Variants in NRXN3 observed in about 807,000 individuals in gnomAD.
NRXN3 encodes the protein neurexin III.
In NRXN3, 32 loss-of-function variants were observed where a neutral mutation model predicts 137.6. The ratio of observed to expected loss-of-function variants is 0.23; its 90% CI spans 0.18 to 0.31. The LOEUF (loss-of-function observed/expected upper bound fraction) is 0.31. Among genes scored for constraint, NRXN3 ranks in the 10% least tolerant of loss-of-function variants. NRXN3 has a pLI of 1.00. For synonymous variants in NRXN3, 798 were observed against 784.5 expected (o/e 1.02, Z -0.29); for missense variants, 1,574 against 2,062.5 (o/e 0.76, Z 4.59).
Position 79,775,518 on chromosome 14 carries a change from C to T in NRXN3, c.4015-29594C>T, listed in dbSNP as rs544101655. On this transcript the variant is annotated intron_variant, in intron 19 of 20. Coordinates refer to ENST00000335750, the MANE Select transcript of NRXN3 (RefSeq NM_001330195.2). ...AGCCTAAGATGGATAAGACTGAAAT[C>T]AGGTGCCTGGACTCTAGAGGATTGG... Among the ~76,000 whole-genome samples, 49 of 132,426 alleles carry T rather than the reference C, an allele frequency of 3.7e-4. No individual in the cohort carries two copies. The South Asian group carries it at 0.012, about 31-fold the overall frequency. The allele number at this position is 132,426 out of a possible 152,430, so 86.9% of individuals were successfully genotyped here.
chr14:78,783,343 C>T (rs1220635319), intron 8 of NRXN3, among the ~76,000 whole-genome samples: 1 of 152,042 alleles, frequency 6.6e-6, no homozygotes, highest in Non-Finnish European at 1.5e-5. Context: ...ATCTTTGATA[C>T]AATATCTGAC....
chr14:78,363,713 C>T (rs75289443), intron 4 of NRXN3, among the ~76,000 whole-genome samples: 1 of 152,156 alleles, frequency 6.6e-6, no homozygotes, highest in Admixed American at 6.5e-5. Context: ...GGGAGGCTTG[C>T]TCTTCCATGC....
chr14:78,955,810 G>C (rs117311558), intron 10 of NRXN3, among the ~76,000 whole-genome samples: 3 of 152,156 alleles, frequency 2.0e-5, no homozygotes, highest in Non-Finnish European at 4.4e-5. Context: ...ATTAAAAGGT[G>C]TAGTTTGAAA....
intron 11 of NRXN3, among the ~76,000 whole-genome samples, chr14:78,960,863 C>T (rs1445137122): frequency 6.6e-6 from 1 of 152,120 alleles, no homozygotes; most frequent in Non-Finnish European, 1.5e-5. Flanking sequence ...ATGTATTTCT[C>T]ATAGTAATTT....
intron 4 of NRXN3, among the ~76,000 whole-genome samples, chr14:78,418,023 C>T (rs1448640121): frequency 6.6e-6 from 1 of 152,176 alleles, no homozygotes; most frequent in Non-Finnish European, 1.5e-5. Flanking sequence ...TCCCAAAGTG[C>T]TGGGATTACA....
chr14:79,009,101 G>C (rs767627777), intron 15 of NRXN3, among the ~76,000 whole-genome samples: 5 of 152,074 alleles, frequency 3.3e-5, no homozygotes, highest in Non-Finnish European at 7.4e-5. Flanking sequence ...CTTATTACTG[G>C]AAAAGCATTC....
chr14:78,763,608 T>C (rs1414562953), intron 8 of NRXN3, among the ~76,000 whole-genome samples: 2 of 152,168 alleles, frequency 1.3e-5, no homozygotes, highest in Non-Finnish European at 2.9e-5. Flanking sequence ...TGACACATGA[T>C]GGTGATATGA....
chr14:78,998,630 GCT>G (rs1194227735), intron 15 of NRXN3, among the ~76,000 whole-genome samples: 2 of 143,428 alleles, frequency 1.4e-5, no homozygotes, highest in African/African-American at 2.6e-5. Flanking sequence ...AAGGAATCTT[GCT>G]CTGTCACCCA....
In NRXN3 at chr14:79,621,188, A is replaced by C. The variant is rs189579955; in HGVS notation, c.3445-42590A>C. Among the ~76,000 whole-genome samples, 305 of 152,350 alleles carry C rather than the reference A, an allele frequency of 2.0e-3. 1 individual carries two copies. In the Middle Eastern group the frequency reaches 0.044, roughly 22 times the overall value. On this transcript the variant is annotated intron_variant, in intron 16 of 20. Coordinates refer to ENST00000335750, the MANE Select transcript of NRXN3 (RefSeq NM_001330195.2). ...ATGATGACTATTAAGCATTTAGCCC[A>C]AGGCTAGGTAAAAGAAAAGGCTAGC...
rs544213283 is a variant in NRXN3 at position 79,825,707 on chromosome 14, T to C, written c.4093+20517T>C. Among the ~76,000 whole-genome samples the C allele has an allele frequency of 2.8e-3, 421 of 152,346 alleles. 2 individuals are homozygous for C. Among genetic ancestry groups the C allele is most frequent in the Non-Finnish European group, 2.9e-3 (197 of 68,036 alleles). On this transcript the variant is annotated intron_variant, in intron 20 of 20. Coordinates refer to ENST00000335750, the MANE Select transcript of NRXN3 (RefSeq NM_001330195.2). ...ACTCTCTGAATAGATTTTCATGTTA[T>C]ATAGTCTGAGACTTTTCTTTCCATC...
chr14:79,336,918 G>A (rs946856109), intron 15 of NRXN3, among the ~76,000 whole-genome samples: 23 of 152,192 alleles, frequency 1.5e-4, no homozygotes, highest in African/African-American at 5.1e-4. Context: ...GAGTATAAAT[G>A]TTCACATAAC....
chr14:79,049,086 A>ATTAT (rs144806837), intron 15 of NRXN3, among the ~76,000 whole-genome samples: 1 of 66,226 alleles, frequency 1.5e-5, no homozygotes, highest in Admixed American at 2.3e-4. Flanking sequence ...AATAATAATA[A>ATTAT]TAATAATAAT....
At chr14:79,093,148 C>T (rs1409068710) in intron 15 of NRXN3, among the ~76,000 whole-genome samples, 3 of 152,140 alleles carry the variant, frequency 2.0e-5, no homozygotes, top group African/African-American at 7.2e-5. Context: ...AGGAAAGAGG[C>T]AACTTCAAGA....
chr14:78,889,712 G>A (rs554413862), intron 10 of NRXN3, among the ~76,000 whole-genome samples: 2 of 152,090 alleles, frequency 1.3e-5, no homozygotes, highest in Non-Finnish European at 2.9e-5. Context: ...GGATTCTGCA[G>A]TACAGCAGCA....
intron 1 of NRXN3, among the ~76,000 whole-genome samples, chr14:78,226,777 A>C (rs1288029575): frequency 6.6e-6 from 1 of 152,246 alleles, no homozygotes; most frequent in Non-Finnish European, 1.5e-5. Flanking sequence ...GCTGTTAAGT[A>C]AAACCTGAAA....
At position 79,524,790 on chromosome 14, in the gene NRXN3, A is replaced by G. The variant is rs1326658464; in HGVS notation, c.3444+57388A>G. Among the ~76,000 whole-genome samples, 10 of 152,320 alleles carry G rather than the reference A, an allele frequency of 6.6e-5. No individual in the cohort carries two copies. In the East Asian group the frequency reaches 1.4e-3, roughly 21 times the overall value. On this transcript the variant is annotated intron_variant, in intron 16 of 20. Coordinates refer to ENST00000335750, the MANE Select transcript of NRXN3 (RefSeq NM_001330195.2). The stretch of plus-strand genomic sequence containing the variant: ...GAGCCTTCAAAATGAAGACCCAAAG[A>G]TACAGGAGAAATTGTTCATTTTTAT...
At chr14:79,391,093 G>A (rs952112273) in intron 15 of NRXN3, among the ~76,000 whole-genome samples, 2 of 151,980 alleles carry the variant, frequency 1.3e-5, no homozygotes, top group Non-Finnish European at 2.9e-5. Flanking sequence ...AATTATCCAG[G>A]CTCAGATATT....
chr14:79,680,235 C>T (rs1379364606), intron 17 of NRXN3, among the ~76,000 whole-genome samples: 2 of 152,114 alleles, frequency 1.3e-5, no homozygotes, highest in Non-Finnish European at 2.9e-5. Flanking sequence ...GTGGCTCACA[C>T]CTACAGATGC....
rs2098754015 is a variant in NRXN3 at position 78,778,698 on chromosome 14, CTTTCTTTCTTT to C, written c.2045-24921_2045-24911del. 2.1e-5 allele frequency among the ~76,000 whole-genome samples: 3 copies of C among 145,128 alleles called. No homozygotes were observed. The Admixed American group carries it at 2.1e-4, about 10-fold the overall frequency. On this transcript the variant is annotated intron_variant, in intron 8 of 20. Transcript: ENST00000335750. ...TTTTCTTTTCTTTCTTTCTTTCTTT[CTTTCTTTCTTT>C]CTTTCTTTCTTTCTTTCTTTCTCTC...
Sources: gnomAD v4.1 joint callset for allele counts (sites outside exome capture counted in the v4.1 genomes callset) on GRCh38, gnomAD v4.1.1 for gene constraint, MANE v1.5 for transcripts, NCBI Gene and HGNC (gene_info 2026-07-23, HGNC 2026-07-21) for gene names.